Variants in MEGF11 observed in about 807,000 individuals in gnomAD.
MEGF11 encodes the protein multiple EGF like domains 11, also known as multiple epidermal growth factor-like domains protein 11.
MEGF11 carries 126 observed loss-of-function variants against 146.6 expected under a neutral mutation model. The ratio of observed to expected loss-of-function variants is 0.86; its 90% CI spans 0.74 to 1.00. The LOEUF is 1.00. MEGF11 is among the 50% of genes least tolerant of loss of function. The probability of loss-of-function intolerance (pLI) is 0.00; values close to 1 mark genes in which losing one functional copy is unlikely to be tolerated. For missense variants in MEGF11, 1,509 were observed against 1,521.2 expected (o/e 0.99, Z 0.13); for synonymous variants, 532 against 583.4 (o/e 0.91, Z 1.27).
chr15:66,152,144 G>T (rs147861214), intron 1 of MEGF11, among the ~76,000 whole-genome samples: 4 of 152,194 alleles, frequency 2.6e-5, no homozygotes, highest in African/African-American at 9.6e-5. Flanking sequence ...CATGGGCACT[G>T]CCAGCTTCTC....
intron 21 of MEGF11, among the ~76,000 whole-genome samples, chr15:65,911,369 T>C (rs1009738481): frequency 1.3e-5 from 2 of 152,198 alleles, no homozygotes; most frequent in African/African-American, 4.8e-5. Flanking sequence ...CTTGCACACA[T>C]TGTGTTGGTA....
chr15:66,199,028 C>G (rs1043754521), intron 1 of MEGF11, among the ~76,000 whole-genome samples: 2 of 152,058 alleles, frequency 1.3e-5, no homozygotes, highest in African/African-American at 4.8e-5. Context: ...TGGAGGTCCT[C>G]CTAATTGCAC....
chr15:65,937,427 G>T (rs780462680), intron 10 of MEGF11, among the ~76,000 whole-genome samples: 3 of 152,252 alleles, frequency 2.0e-5, no homozygotes, highest in Non-Finnish European at 2.9e-5. Context: ...CCTGCTAGAA[G>T]TAGTCTATCT....
chr15:66,237,700 C>T (rs549055757), intron 1 of MEGF11, among the ~76,000 whole-genome samples: 3 of 152,312 alleles, frequency 2.0e-5, no homozygotes, highest in East Asian at 1.9e-4. Flanking sequence ...TATCTCCCGC[C>T]GGGCTCAATG....
intron 5 of MEGF11, among the ~76,000 whole-genome samples, chr15:66,090,892 C>A (rs1163456989): frequency 2.0e-5 from 3 of 152,084 alleles, no homozygotes; most frequent in Admixed American, 1.3e-4. Context: ...AAGTTATATC[C>A]AGATCTAGCC....
intron 1 of MEGF11, among the ~76,000 whole-genome samples, chr15:66,243,405 C>T (rs11630800): frequency 0.16 from 24,948 of 152,250 alleles, 2,471 homozygotes; most frequent in Middle Eastern, 0.3. Context: ...AGGACTCACC[C>T]GTCATCCCTG....
chr15:66,001,532 C>G (rs1300912836), intron 5 of MEGF11, among the ~76,000 whole-genome samples: 1 of 152,012 alleles, frequency 6.6e-6, no homozygotes, highest in East Asian at 1.9e-4. Flanking sequence ...CCTGAGAGGA[C>G]AGGAGGCTGA....
chr15:66,137,559 C>CT (rs10647289), intron 1 of MEGF11, among the ~76,000 whole-genome samples: 43,732 of 142,042 alleles, frequency 0.31, 7,851 homozygotes, highest in Admixed American at 0.47. Flanking sequence ...GACTTTCTTT[C>CT]TTTTTTTTTT....
chr15:66,088,587 G>A (rs1236475517), intron 5 of MEGF11, among the ~76,000 whole-genome samples: 2 of 152,106 alleles, frequency 1.3e-5, no homozygotes, highest in East Asian at 1.9e-4. Context: ...CCTGGGAGGC[G>A]GAGGGTGCAG....
rs1388721946 is a variant in MEGF11 at position 65,980,901 on chromosome 15, G to A, written c.642-3C>T. On this transcript the variant is annotated splice_polypyrimidine_tract_variant and splice_region_variant and intron_variant, in intron 6 of 25. Coordinates refer to ENST00000395614, the MANE Select transcript of MEGF11 (RefSeq NM_001385028.1). ...CAGGAGGGCACAGCTCCTCGCAGCT[G>A]CATGGAGAAGCAGAGGTGTTAGACA... 1 of 1,571,744 alleles carries A rather than the reference G, an allele frequency of 6.4e-7. No individual in the cohort carries two copies. The highest frequency in any genetic ancestry group is 1.9e-5 in the Admixed American group (1 of 53,260).
At chr15:66,186,036 C>T (rs934259414) in intron 1 of MEGF11, among the ~76,000 whole-genome samples, 1 of 152,142 alleles carries the variant, frequency 6.6e-6, no homozygotes, top group Admixed American at 6.5e-5. Flanking sequence ...GAGGTGGGGG[C>T]AGCCCCAGGA....
At chr15:66,212,456 A>C (rs544510505) in intron 1 of MEGF11, among the ~76,000 whole-genome samples, 33 of 152,226 alleles carry the variant, frequency 2.2e-4, no homozygotes, top group Middle Eastern at 6.8e-3. Flanking sequence ...GCCCTACCCT[A>C]GGCCTCTAAG....
intron 4 of MEGF11, among the ~76,000 whole-genome samples, chr15:66,108,384 T>C (rs115394579): frequency 0.022 from 3,343 of 152,290 alleles, 114 homozygotes; most frequent in African/African-American, 0.076. Context: ...CACTGTAGAC[T>C]CTACAGTGAT....
intron 1 of MEGF11, among the ~76,000 whole-genome samples, chr15:66,142,090 A>G (rs1323281063): frequency 6.6e-6 from 1 of 152,118 alleles, no homozygotes; most frequent in Admixed American, 6.5e-5. Flanking sequence ...AGTTTATTTT[A>G]TTACACAACA....
chr15:65,959,165 T>A (rs1272946422), intron 9 of MEGF11, among the ~76,000 whole-genome samples: 11 of 152,218 alleles, frequency 7.2e-5, no homozygotes, highest in Admixed American at 7.2e-4. Flanking sequence ...TCTTCTCCAC[T>A]AGGTTGCAGC....
intron 1 of MEGF11, among the ~76,000 whole-genome samples, chr15:66,182,258 T>G (rs1210810723): frequency 6.6e-6 from 1 of 152,144 alleles, no homozygotes; most frequent in Non-Finnish European, 1.5e-5. Flanking sequence ...GAGATTCCTC[T>G]GAAGGAAGTA....
intron 1 of MEGF11, among the ~76,000 whole-genome samples, chr15:66,151,043 C>G (rs1045392190): frequency 9.2e-5 from 14 of 152,126 alleles, no homozygotes; most frequent in Non-Finnish European, 1.9e-4. Context: ...GGGGAGGTCC[C>G]CTTTTTGCCT....
At chr15:65,916,042 AAGGGGTACAG>A in intron 18 of MEGF11, 96 bp downstream of exon 18, 1 of 1,348,574 alleles carries the variant, frequency 7.4e-7, no homozygotes, top group Non-Finnish European at 9.8e-7. Context: ...TCAAGGGACC[AAGGGGTACAG>A]AGCCCTGAGT....
chr15:66,068,798 G>A (rs954586348), intron 5 of MEGF11, among the ~76,000 whole-genome samples: 2 of 152,344 alleles, frequency 1.3e-5, no homozygotes, highest in Admixed American at 6.5e-5. Context: ...AGAGTGGGTA[G>A]CCAGCTGTGC....
Sources: gnomAD v4.1 joint callset for allele counts (sites outside exome capture counted in the v4.1 genomes callset) on GRCh38, gnomAD v4.1.1 for gene constraint, MANE v1.5 for transcripts, NCBI Gene and HGNC (gene_info 2026-07-23, HGNC 2026-07-21) for gene names.